The following DPP6 variants were observed in gnomAD, a reference collection of about 807,000 sequenced individuals.
DPP6 encodes dipeptidyl peptidase like 6, also known as A-type potassium channel modulatory protein DPP6.
In DPP6, 69 loss-of-function variants were observed where a neutral mutation model predicts 122.6. That is an observed-to-expected ratio of 0.56 (90% CI 0.46 to 0.69). The LOEUF is 0.69. DPP6 is among the 30% of genes least tolerant of loss of function. The pLI is 0.00. For synonymous variants in DPP6, 418 were observed against 433.1 expected, an observed-to-expected ratio of 0.97 and a Z score of 0.43; for missense variants, 928 against 1,116.9, an observed-to-expected ratio of 0.83 and a Z score of 2.41.
At chr7:154,060,736 G>A (rs1455153921) in intron 1 of DPP6, among the ~76,000 whole-genome samples, 11 of 123,528 alleles carry the variant, frequency 8.9e-5, no homozygotes, top group Admixed American at 2.4e-4. Context: ...CACCCCCCGC[G>A]AGGCAGGGAC....
intron 7 of DPP6, among the ~76,000 whole-genome samples, chr7:154,671,017 G>A (rs1047853371): frequency 2.0e-5 from 3 of 152,184 alleles, no homozygotes; most frequent in Admixed American, 6.5e-5. Context: ...GACCTTGACC[G>A]AGGAACACCA....
chr7:154,780,064 C>A (rs1254356996), intron 10 of DPP6, among the ~76,000 whole-genome samples: 1 of 152,148 alleles, frequency 6.6e-6, no homozygotes, highest in Non-Finnish European at 1.5e-5. Flanking sequence ...TTAGGGGGCA[C>A]CAGTTCAAGG....
chr7:153,853,044 A>C, the DPP6 span, among the ~76,000 whole-genome samples: 109 of 152,216 alleles, frequency 7.2e-4, 1 homozygote, highest in African/African-American at 2.6e-3. Flanking sequence ...TCTGCATAAC[A>C]CCCAGGCTAA....
At chr7:154,156,625 G>A (rs929303959) in intron 1 of DPP6, among the ~76,000 whole-genome samples, 8 of 152,172 alleles carry the variant, frequency 5.3e-5, no homozygotes, top group Non-Finnish European at 8.8e-5. Flanking sequence ...AAAATTCACA[G>A]ACAAACACAT....
intron 13 of DPP6, 123 bp from the exon 14 acceptor site, chr7:154,803,741 G>A (rs1016797745): frequency 3.5e-6 from 5 of 1,408,622 alleles, no homozygotes; most frequent in African/African-American, 1.4e-5. Context: ...GGGGCAGAGA[G>A]CCCTTCCCAC....
At chr7:154,516,931 C>T (rs1053321619) in intron 3 of DPP6, among the ~76,000 whole-genome samples, 2 of 152,096 alleles carry the variant, frequency 1.3e-5, no homozygotes, top group Non-Finnish European at 2.9e-5. Context: ...AATGCCATCT[C>T]GAATTTTCTG....
At chr7:154,350,347 C>A (rs140624345) in intron 1 of DPP6, among the ~76,000 whole-genome samples, 13 of 152,292 alleles carry the variant, frequency 8.5e-5, no homozygotes, top group African/African-American at 2.9e-4. Context: ...CCATTCATGA[C>A]TTACTGAGCC....
chr7:154,506,394 A>G (rs1825666229), intron 3 of DPP6, among the ~76,000 whole-genome samples: 2 of 152,144 alleles, frequency 1.3e-5, no homozygotes, highest in South Asian at 4.1e-4. Context: ...GAGGGTGACT[A>G]TTGAATATAT....
chr7:154,366,080 T>C (rs1425427764), intron 1 of DPP6, among the ~76,000 whole-genome samples: 1 of 150,752 alleles, frequency 6.6e-6, no homozygotes, highest in East Asian at 2.0e-4. Context: ...GCACCTGGGG[T>C]GCTATCTTGT....
chr7:153,826,854 GCA>G, the DPP6 span, among the ~76,000 whole-genome samples: 1,947 of 151,846 alleles, frequency 0.013, 40 homozygotes, highest in African/African-American at 0.045. Context: ...ATATATATAT[GCA>G]CACACACATA....
intron 5 of DPP6, among the ~76,000 whole-genome samples, chr7:154,627,882 G>T (rs866919310): frequency 5.9e-5 from 9 of 152,250 alleles, no homozygotes; most frequent in African/African-American, 1.9e-4. Context: ...GAAGGGGGCA[G>T]TGTGGGTTTT....
chr7:153,857,322 T>TCTCTCTCTC, the DPP6 span, among the ~76,000 whole-genome samples: 22 of 124,478 alleles, frequency 1.8e-4, no homozygotes, highest in East Asian at 9.1e-4. Flanking sequence ...CTCAAAGGTT[T>TCTCTCTCTC]TCTCTCTCTC....
At chr7:153,835,811 G>A in the DPP6 span, among the ~76,000 whole-genome samples, 4 of 152,320 alleles carry the variant, frequency 2.6e-5, no homozygotes, top group Admixed American at 2.6e-4. Flanking sequence ...GAGGCAGAAA[G>A]CTGCTTACTG....
At chr7:154,542,672 G>A (rs758841813) in intron 4 of DPP6, among the ~76,000 whole-genome samples, 1 of 152,056 alleles carries the variant, frequency 6.6e-6, no homozygotes, top group Non-Finnish European at 1.5e-5. Flanking sequence ...TCCTTAAAAT[G>A]TCACTTTTCC....
intron 1 of DPP6, among the ~76,000 whole-genome samples, chr7:153,900,745 A>G (rs1243142383): frequency 6.6e-6 from 1 of 152,164 alleles, no homozygotes; most frequent in African/African-American, 2.4e-5. Flanking sequence ...GTGGATAAAC[A>G]TCCAAACTAT....
chr7:154,279,014 T>G (rs941648161), intron 1 of DPP6, among the ~76,000 whole-genome samples: 1 of 151,618 alleles, frequency 6.6e-6, no homozygotes. Flanking sequence ...GGGATACCTG[T>G]GCTTGTTGTG....
At chr7:154,288,843 A>G (rs573277683) in intron 1 of DPP6, among the ~76,000 whole-genome samples, 1 of 152,348 alleles carries the variant, frequency 6.6e-6, no homozygotes, top group African/African-American at 2.4e-5. Context: ...ATTTAAAGAG[A>G]TCTAGTTCCA....
At chr7:153,827,817 G>T in the DPP6 span, among the ~76,000 whole-genome samples, 1 of 152,146 alleles carries the variant, frequency 6.6e-6, no homozygotes, top group African/African-American at 2.4e-5. Context: ...CACAGTCAGG[G>T]GCTGCGCTCC....
At chr7:154,892,054 C>CA (rs575982642) in intron 25 of DPP6, among the ~76,000 whole-genome samples, 2 of 152,306 alleles carry the variant, frequency 1.3e-5, no homozygotes, top group Middle Eastern at 6.8e-3. Context: ...GAGGGCCAGG[C>CA]ACCGGGGGCG....
Sources: allele counts gnomAD v4.1 joint callset (sites outside exome capture counted in the v4.1 genomes callset), GRCh38; gene constraint gnomAD v4.1.1; transcripts MANE v1.5; gene names NCBI Gene and HGNC (gene_info 2026-07-23, HGNC 2026-07-21).